DYM: variants seen among roughly 807,000 people sequenced by gnomAD.
The protein encoded by DYM is dyggve-Melchior-Clausen syndrome protein.
In DYM, 78 loss-of-function variants were observed where a neutral mutation model predicts 93.1. The observed-to-expected ratio is 0.84, with a 90% CI of 0.70 to 1.01. The LOEUF (loss-of-function observed/expected upper bound fraction) is 1.01. Among genes scored for constraint, DYM ranks in the 50% least tolerant of loss-of-function variants. The probability of loss-of-function intolerance (pLI) is 0.00; values close to 1 mark genes in which losing one functional copy is unlikely to be tolerated. For synonymous variants in DYM, 321 were observed against 319.7 expected, an observed-to-expected ratio of 1.00 and a Z score of -0.04; for missense variants, 789 against 845.0, an observed-to-expected ratio of 0.93 and a Z score of 0.82.
intron 17 of DYM, among the ~76,000 whole-genome samples, chr18:49,046,091 C>A (rs2071468329): frequency 1.3e-5 from 2 of 151,994 alleles, no homozygotes; most frequent in African/African-American, 4.8e-5. Context: ...CGCGCACACA[C>A]ACACACACAC....
intron 17 of DYM, among the ~76,000 whole-genome samples, chr18:49,066,329 G>A (rs1234672077): frequency 1.3e-5 from 2 of 151,980 alleles, no homozygotes; most frequent in Non-Finnish European, 2.9e-5. Flanking sequence ...AGCCCTCTCG[G>A]CGAGTTCTAT....
intron 15 of DYM, among the ~76,000 whole-genome samples, chr18:49,121,228 T>A (rs1348009032): frequency 6.6e-6 from 1 of 152,212 alleles, no homozygotes; most frequent in East Asian, 1.9e-4. Context: ...CTAGAAATTT[T>A]GTAAAATGTG....
chr18:49,216,091 G>A (rs554924110), intron 13 of DYM, among the ~76,000 whole-genome samples: 17 of 152,352 alleles, frequency 1.1e-4, no homozygotes, highest in Non-Finnish European at 7.3e-5. Context: ...GGTGCACCAC[G>A]AGATTATATC....
intron 13 of DYM, 24 bp downstream of exon 13, chr18:49,256,986 A>G: frequency 1.3e-6 from 2 of 1,582,848 alleles, no homozygotes; most frequent in Non-Finnish European, 8.7e-7. Context: ...GCAAATCAGT[A>G]TTTCTTTTAA....
chr18:49,168,275 G>A (rs1300918343), intron 14 of DYM, among the ~76,000 whole-genome samples: 1 of 152,006 alleles, frequency 6.6e-6, no homozygotes, highest in Non-Finnish European at 1.5e-5. Flanking sequence ...ATGTTCTTAG[G>A]TAACACTGGA....
chr18:49,343,146 C>T (rs2064297153), intron 6 of DYM, among the ~76,000 whole-genome samples: 2 of 152,158 alleles, frequency 1.3e-5, no homozygotes, highest in African/African-American at 2.4e-5. Flanking sequence ...ATACACAGGG[C>T]AAAAATATTC....
At chr18:49,441,292 A>ATAT (rs1568454927) in intron 1 of DYM, among the ~76,000 whole-genome samples, 3 of 36,366 alleles carry the variant, frequency 8.2e-5, no homozygotes, top group African/African-American at 4.5e-4. Context: ...AATTATATAT[A>ATAT]ATATAATTAT....
At chr18:49,050,188 G>A (rs1444250616) in intron 17 of DYM, among the ~76,000 whole-genome samples, 2 of 149,850 alleles carry the variant, frequency 1.3e-5, no homozygotes, top group Non-Finnish European at 2.9e-5. Flanking sequence ...CCGGGTTCAA[G>A]CAATTGTCCT....
chr18:49,243,703 T>C (rs1396847361), intron 13 of DYM, among the ~76,000 whole-genome samples: 3 of 151,342 alleles, frequency 2.0e-5, no homozygotes, highest in Non-Finnish European at 2.9e-5. Context: ...AAAAAAATCA[T>C]TGCTAGAACC....
chr18:49,143,930 T>C (rs2084806789), intron 15 of DYM, among the ~76,000 whole-genome samples: 1 of 152,174 alleles, frequency 6.6e-6, no homozygotes, highest in African/African-American at 2.4e-5. Context: ...ACCATAAATA[T>C]ATTGGTTAAG....
chr18:49,210,020 A>G lies in DYM; in HGVS notation c.1461-305T>C, dbSNP rs115737162. Among the ~76,000 whole-genome samples the G allele has an allele frequency of 3.5e-3, 527 of 152,312 alleles. 4 individuals carry two copies. The highest frequency in any genetic ancestry group is 0.012 in the African/African-American group (489 of 41,560). ...TTCAAACAATGAGACACCACCACAGACTATTTGAATGGCCCAAATCCAGAG... is the reference window on the plus strand; with the variant it reads ...TTCAAACAATGAGACACCACCACAGGCTATTTGAATGGCCCAAATCCAGAG... On this transcript the variant is annotated intron_variant, in intron 13 of 17. Coordinates refer to ENST00000675505, the MANE Select transcript of DYM (RefSeq NM_001353214.3).
chr18:49,416,646 A>T (rs1337994452), intron 2 of DYM, among the ~76,000 whole-genome samples: 3 of 152,192 alleles, frequency 2.0e-5, no homozygotes, highest in Non-Finnish European at 4.4e-5. Context: ...CCTACACAGT[A>T]ATAGAAATTC....
At chr18:49,070,205 T>C (rs1244206504) in intron 17 of DYM, among the ~76,000 whole-genome samples, 1 of 152,184 alleles carries the variant, frequency 6.6e-6, no homozygotes, top group Admixed American at 6.5e-5. Context: ...AAAAGTGAGG[T>C]TGATAGATAT....
Position 49,292,355 on chromosome 18 carries a change from G to GACACACACACACACACAC in DYM, c.764-5757_764-5740dup, listed in dbSNP as rs57025579. ...AGGCAGGCAGACAGACAGACAGACAGACACACACACACACACACACACACA... is the reference window on the plus strand; with the variant it reads ...AGGCAGGCAGACAGACAGACAGACAGACACACACACACACACACACACACACACACACACACACACACA... On this transcript the variant is annotated intron_variant, in intron 8 of 17. Coordinates refer to ENST00000675505, the MANE Select transcript of DYM (RefSeq NM_001353214.3). Among the ~76,000 whole-genome samples the GACACACACACACACACAC allele has an allele frequency of 9.6e-4, 81 of 84,720 alleles. 1 individual carries two copies. The highest frequency in any genetic ancestry group is 7.6e-3 in the East Asian group (22 of 2,912). 55.6% of individuals were successfully genotyped at this position (84,720 alleles called of 152,430 possible).
intron 1 of DYM, among the ~76,000 whole-genome samples, chr18:49,436,098 A>C (rs1265044959): frequency 6.6e-6 from 1 of 152,152 alleles, no homozygotes; most frequent in African/African-American, 2.4e-5. Flanking sequence ...CTGTAGCTTC[A>C]AACTCCTGAA....
chr18:49,215,319 C>T, intron 13 of DYM, among the ~76,000 whole-genome samples: 1 of 152,184 alleles, frequency 6.6e-6, no homozygotes, highest in East Asian at 1.9e-4. Context: ...CCTTTGGATA[C>T]TCAAACTGCT....
chr18:49,070,914 C>A (rs368719141), intron 17 of DYM, among the ~76,000 whole-genome samples: 1 of 152,274 alleles, frequency 6.6e-6, no homozygotes, highest in South Asian at 2.1e-4. Flanking sequence ...GTTCCTTATA[C>A]CCCATTGTGC....
intron 8 of DYM, among the ~76,000 whole-genome samples, chr18:49,326,923 C>T (rs2062921865): frequency 1.3e-5 from 2 of 151,518 alleles, no homozygotes; most frequent in South Asian, 4.2e-4. Context: ...AGGAAATACA[C>T]ATTAAAGTAT....
chr18:49,460,209 G>C (rs1373237463), intron 1 of DYM, among the ~76,000 whole-genome samples, 189 bp downstream of exon 1: 3 of 152,190 alleles, frequency 2.0e-5, no homozygotes, highest in Non-Finnish European at 4.4e-5. Context: ...ACAGAGGTCC[G>C]TCCGCTGTCA....
Sources: allele counts gnomAD v4.1 joint callset (sites outside exome capture counted in the v4.1 genomes callset), GRCh38; gene constraint gnomAD v4.1.1; transcripts MANE v1.5; gene names NCBI Gene and HGNC (gene_info 2026-07-23, HGNC 2026-07-21).